CFAP65: variants seen among roughly 807,000 people sequenced by gnomAD.
The protein encoded by CFAP65 is cilia and flagella associated protein 65.
CFAP65 carries 155 observed loss-of-function variants against 208.0 expected under a neutral mutation model. The observed-to-expected ratio is 0.75, with a 90% CI of 0.65 to 0.85. The LOEUF is 0.85. CFAP65 is among the 40% of genes least tolerant of loss of function. The probability of loss-of-function intolerance (pLI) is 0.00; values close to 1 mark genes in which losing one functional copy is unlikely to be tolerated. For synonymous variants in CFAP65, 970 were observed against 986.3 expected (o/e 0.98, Z 0.31); for missense variants, 2,294 against 2,451.3 (o/e 0.94, Z 1.36).
Position 219,004,493 on chromosome 2 carries a change from G to A in CFAP65, c.5052-38C>T. On this transcript the variant is annotated intron_variant, in intron 32 of 34. Transcript: ENST00000341552. The surrounding 1 kb of genome is among the most constrained non-coding windows in gnomAD (Gnocchi z 4.7). ...GAGAAGGAGAAGGCCCTTGCTGAGG[G>A]GCCCTGAAGCCCCTGGGGAGCCCTG... 2 of 1,560,786 alleles carry A rather than the reference G, an allele frequency of 1.3e-6. No homozygotes were observed. The highest frequency in any genetic ancestry group is 1.7e-6 in the Non-Finnish European group (2 of 1,156,930).
chr2:219,029,860 A>AG (rs2106223329), intron 10 of CFAP65, 126 bp downstream of exon 10: 3 of 1,118,188 alleles, frequency 2.7e-6, no homozygotes, highest in South Asian at 3.1e-5. Flanking sequence ...CAGGGCCACC[A>AG]GGGGGCAGCA....
chr2:219,027,772 A>G lies in CFAP65; in HGVS notation c.2089T>C (p.Trp697Arg). ...ACGTCGCAGCTCTCTGGAGTCACCC[A>G]GAAGGGGCAGTCAGACCTTCGCGTC... Reference protein sequence around the residue: ...VWTRRSDCPFWVTPESCDVPP... With the variant: ...VWTRRSDCPFRVTPESCDVPP... The change falls in exon 13 of 35, where the codon TGG becomes CGG. Residue 697 changes from tryptophan (W) to arginine (R), a missense_variant. By Grantham distance (101) the Trp-to-Arg change is moderately radical (BLOSUM62 -3). Coordinates refer to ENST00000341552, the MANE Select transcript of CFAP65 (RefSeq NM_194302.4). 1 of 1,614,002 alleles carries G rather than the reference A, an allele frequency of 6.2e-7. No homozygotes were observed.
In CFAP65 at chr2:219,004,147, T is replaced by C; in HGVS notation, c.5360A>G (p.Glu1787Gly). 1.2e-6 allele frequency: 2 copies of C among 1,613,872 alleles called. No individual in the cohort carries two copies. Among genetic ancestry groups the C allele is most frequent in the Non-Finnish European group, 1.7e-6 (2 of 1,180,000 alleles). ...EEEEEEEETE[E>G]EELGKEEIEE... is the part of the protein sequence containing the mutation. ...TATCTCCTCCTTGCCCAACTCCTCCTCTTCTGTCTCCTCTTCTTCCTCCTC... is the reference window on the plus strand; with the variant it reads ...TATCTCCTCCTTGCCCAACTCCTCCCCTTCTGTCTCCTCTTCTTCCTCCTC... Residue 1787 changes from glutamate to glycine, a missense_variant, in exon 33 of 35, where the codon GAG (glutamate) becomes GGG (glycine). This residue lies in a region of CFAP65 where 1,427 missense variants were observed against 1,438.7 expected (regional missense o/e 0.99). Transcript: ENST00000341552. The surrounding 1 kb of genome is among the most constrained non-coding windows in gnomAD (Gnocchi z 4.7).
chr2:219,024,367 G>C, intron 14 of CFAP65, 107 bp from the exon 15 acceptor site: 1 of 1,400,418 alleles, frequency 7.1e-7, no homozygotes, highest in Non-Finnish European at 9.7e-7. Context: ...AAGTAGATCA[G>C]AGGTGCTGCC....
intron 2 of CFAP65, among the ~76,000 whole-genome samples, chr2:219,039,440 C>A (rs951052346): frequency 1.3e-5 from 2 of 152,162 alleles, no homozygotes; most frequent in African/African-American, 4.8e-5. Context: ...CACTCAGGCA[C>A]ATGTGGAAGT....
chr2:219,010,264 A>G (rs1946381258), intron 26 of CFAP65, among the ~76,000 whole-genome samples, 179 bp from the exon 27 acceptor site: 2 of 151,912 alleles, frequency 1.3e-5, no homozygotes, highest in Admixed American at 1.3e-4. Context: ...ATCTCTTAAC[A>G]TCCTCATCCC....
At position 219,027,549 on chromosome 2, in the gene CFAP65, T is replaced by C. The variant is rs779564701; in HGVS notation, c.2211+101A>G. 3.1e-6 allele frequency: 5 copies of C among 1,612,780 alleles called. No homozygotes were observed. In the African/African-American group the frequency reaches 6.7e-5, roughly 22 times the overall value. ...AAGAGAAAGCCTGGCACGCAGAGGA[T>C]GGAGCCTGAAGCTGCCCTCGGTCAC... On this transcript the variant is annotated intron_variant, in intron 13 of 34. Transcript: ENST00000341552.
chr2:219,012,028 T>C lies in CFAP65; in HGVS notation c.3958-1032A>G, dbSNP rs201576559. ...GGAAGCTTGTTTGCTCCCTCCACCA[T>C]GTGAGGACACAGCAAGAAGCCACTG... On this transcript the variant is annotated intron_variant, in intron 24 of 34. Coordinates refer to ENST00000341552, the MANE Select transcript of CFAP65 (RefSeq NM_194302.4). Among the ~76,000 whole-genome samples the C allele has an allele frequency of 1.4e-4, 22 of 152,358 alleles. 2 individuals carry two copies. The East Asian group carries it at 4.2e-3, about 29-fold the overall frequency.
Position 219,014,100 on chromosome 2 carries a change from A to C in CFAP65, c.3603-56T>G. ...AACTGGTCAGGCAGAACAGAGAGGC[A>C]GGGGCTCTGAGACCCTGATGGGCAG... On this transcript the variant is annotated intron_variant, in intron 21 of 34. Transcript: ENST00000341552. The C allele has an allele frequency of 2.0e-6, 3 of 1,473,600 alleles. No individual in the cohort carries two copies. In the South Asian group the frequency reaches 4.0e-5, roughly 20 times the overall value. The allele number at this position is 1,473,600 out of a possible 1,614,324, so 91.3% of individuals were successfully genotyped here.
chr2:219,007,831 T>C (rs79688049), intron 29 of CFAP65, among the ~76,000 whole-genome samples: 4 of 151,956 alleles, frequency 2.6e-5, no homozygotes, highest in Non-Finnish European at 4.4e-5. Flanking sequence ...TTTTTTTTTT[T>C]TGAGACAGAG....
rs1161617698 is a variant in CFAP65 at position 219,004,913 on chromosome 2, TTCTC to T, written c.5052-462_5052-459del. Among the ~76,000 whole-genome samples the T allele has an allele frequency of 8.0e-5, 12 of 150,934 alleles. No homozygotes were observed. Among genetic ancestry groups the T allele is most frequent in the African/African-American group, 2.0e-4 (8 of 40,510 alleles). Reference sequence around the variant, plus strand: ...TCTCTCTCTCTATTTCTCTCTTTCTTTCTCTCTCTTTCTCTCCTCTTTTTTCTTT... The same window carrying T: ...TCTCTCTCTCTATTTCTCTCTTTCTTTCTCTTTCTCTCCTCTTTTTTCTTT... On this transcript the variant is annotated intron_variant, in intron 32 of 34. Transcript: ENST00000341552. This position sits in a 1 kb window ranked among gnomAD's most constrained non-coding sequence, Gnocchi z 4.7.
Position 219,030,029 on chromosome 2 carries a change from G to A in CFAP65, c.1341C>T (p.Gly447=). ...TVDYCSIMPS[G]CASKTLLKVV... ...CTTTAAGCAGGGTCTTGGAGGCACA[G>A]CCAGAAGGCATGATGGAGCAGTAGT... The change falls in exon 10 of 35, where the codon GGC becomes GGT. Residue 447 remains glycine, a synonymous_variant. Coordinates refer to ENST00000341552, the MANE Select transcript of CFAP65 (RefSeq NM_194302.4). 1 of 1,614,130 alleles carries A rather than the reference G, an allele frequency of 6.2e-7. No individual in the cohort carries two copies. The highest frequency in any genetic ancestry group is 8.5e-7 in the Non-Finnish European group (1 of 1,180,016).
Position 219,031,403 on chromosome 2 carries a change from C to T in CFAP65, c.815+86G>A, listed in dbSNP as rs750043190. 31 of 1,607,428 alleles carry T rather than the reference C, an allele frequency of 1.9e-5. No individual in the cohort carries two copies. In the East Asian group the frequency reaches 5.8e-4, roughly 30 times the overall value. ...GGCAGAACCTCAGACTACCCTACCC[C>T]GACAAGGGTATGCCTGTCTCTCCTG... On this transcript the variant is annotated intron_variant, in intron 7 of 34. Coordinates refer to ENST00000341552, the MANE Select transcript of CFAP65 (RefSeq NM_194302.4). This position sits in a 1 kb window ranked among gnomAD's most constrained non-coding sequence, Gnocchi z 5.2.
At position 219,002,946 on chromosome 2, in the gene CFAP65, G is replaced by C; in HGVS notation, c.5769C>G (p.Asp1923Glu). ...GGCTGGGCGCGGGCATTTACGGAAG[G>C]TCGGTAGGAAGTGGCACCACCGGGT... is the stretch of plus-strand genomic sequence containing the variant. ...VLHPVVPLPT[D>E]LP Residue 1923 changes from aspartate to glutamate, a missense_variant, in exon 35 of 35, where the codon GAC (aspartate) becomes GAG (glutamate). Physicochemically the swap from Asp to Glu is conservative, Grantham distance 45. This residue lies in a region of CFAP65 where 1,427 missense variants were observed against 1,438.7 expected (regional missense o/e 0.99). Coordinates refer to ENST00000341552, the MANE Select transcript of CFAP65 (RefSeq NM_194302.4). This position sits in a 1 kb window ranked among gnomAD's most constrained non-coding sequence, Gnocchi z 7.9. 6.4e-7 allele frequency: 1 copy of C among 1,566,128 alleles called. No homozygotes were observed. Among genetic ancestry groups the C allele is most frequent in the Non-Finnish European group, 8.7e-7 (1 of 1,155,036 alleles).
rs1327639017 is a variant in CFAP65, at chr2:219,009,441, A to G, written c.4472T>C (p.Ile1491Thr). The change falls in exon 28 of 35, where the codon ATA becomes ACA. Residue 1491 changes from isoleucine (I) to threonine (T), a missense_variant. Around this residue, in one of 2 missense-constraint regions of CFAP65, gnomAD observed 1,427 missense variants for 1,438.7 expected, o/e 0.99. Transcript: ENST00000341552. ...DFGEVSVSPM[I>T]GVVAPEETVP... ...CGTCTCTTCAGGAGCCACCACCCCT[A>G]TCATGGGACTCACAGACACCTGTTG... is the stretch of plus-strand genomic sequence containing the variant. 13 of 1,612,070 alleles carry G rather than the reference A, an allele frequency of 8.1e-6. No homozygotes were observed. Among genetic ancestry groups the G allele is most frequent in the Non-Finnish European group, 1.1e-5 (13 of 1,179,492 alleles).
intron 14 of CFAP65, among the ~76,000 whole-genome samples, chr2:219,025,330 A>G (rs1268050142): frequency 5.3e-5 from 8 of 152,156 alleles, no homozygotes; most frequent in Non-Finnish European, 1.0e-4. Context: ...TTGGGATAGG[A>G]GGGCAGAAGT....
At chr2:219,018,763 C>A in intron 21 of CFAP65, 1 of 411,690 alleles carries the variant, frequency 2.4e-6, no homozygotes, top group South Asian at 3.2e-5. Flanking sequence ...CAGCAGATGC[C>A]CAGTGAATGT....
At chr2:219,027,433 G>A (rs1947700331) in intron 13 of CFAP65, 1 of 1,517,450 alleles carries the variant, frequency 6.6e-7, no homozygotes, top group Non-Finnish European at 8.9e-7. Flanking sequence ...TGGAGGGGAG[G>A]GGAGACTTAC....
At chr2:219,027,143 A>C in intron 13 of CFAP65, 1 of 1,135,426 alleles carries the variant, frequency 8.8e-7, no homozygotes, top group Non-Finnish European at 1.1e-6. Context: ...AGGGGGCACC[A>C]CGCATCTGGG....
Sources: allele counts gnomAD v4.1 joint callset (sites outside exome capture counted in the v4.1 genomes callset), GRCh38; gene constraint gnomAD v4.1.1; regional missense constraint gnomAD v4.1.1; non-coding constraint Gnocchi (gnomAD v3.1); transcripts MANE v1.5; gene names NCBI Gene and HGNC (gene_info 2026-07-23, HGNC 2026-07-21).